MAP7D3: variants seen among roughly 807,000 people sequenced by gnomAD.
MAP7D3 encodes MAP7 domain-containing protein 3.
Under a neutral mutation model 62.2 loss-of-function variants are expected in MAP7D3, and 45 were observed. The ratio of observed to expected loss-of-function variants is 0.72; its 90% confidence interval spans 0.57 to 0.93. MAP7D3 has a LOEUF of 0.93. MAP7D3 is among the 40% of genes least tolerant of loss of function. The pLI is 0.00. For synonymous variants in MAP7D3, 288 were observed against 248.8 expected, an observed-to-expected ratio of 1.16 and a Z score of -1.48; for missense variants, 711 against 683.1, an observed-to-expected ratio of 1.04 and a Z score of -0.45.
rs1182701199 is a variant in MAP7D3, at chrX:136,231,945, A to G, written c.1012T>C (p.Phe338Leu). The change falls in exon 8 of 19, where the codon TTC becomes CTC. Residue 338 changes from phenylalanine (F) to leucine (L), a missense_variant. Phe to Leu is a conservative substitution (Grantham distance 22). Coordinates refer to ENST00000316077, the MANE Select transcript of MAP7D3 (RefSeq NM_024597.4). ...GMAPEVSTDS[F>L]PVVSVDVSPV... ...GACACGTCCACGCTCACCACAGGGA[A>G]TGAGTCCGTGCTCACCTCAGGGGCC... The G allele has an allele frequency of 7.4e-6, 9 of 1,209,132 alleles. No homozygotes were observed. In the South Asian group the frequency reaches 1.2e-4, roughly 17 times the overall value.
intron 12 of MAP7D3, among the ~76,000 whole-genome samples, chrX:136,227,020 T>C (rs1302413890): frequency 9.0e-6 from 1 of 111,238 alleles, no homozygotes; most frequent in African/African-American, 3.3e-5. Flanking sequence ...TCCCAGCTAC[T>C]TGGGAGGCTG....
intron 6 of MAP7D3, 123 bp downstream of exon 6, chrX:136,240,259 A>C: frequency 2.1e-6 from 1 of 470,695 alleles, no homozygotes; most frequent in Non-Finnish European, 3.7e-6. Context: ...GCTGTAAAAT[A>C]ACATGGGACT....
chrX:136,247,034 C>T (rs758918659), intron 1 of MAP7D3, among the ~76,000 whole-genome samples: 1 of 112,197 alleles, frequency 8.9e-6, no homozygotes, highest in African/African-American at 3.2e-5. Context: ...AATAAATATT[C>T]TTTTAGAAGA....
At chrX:136,233,634 C>CT (rs2074297363) in intron 7 of MAP7D3, among the ~76,000 whole-genome samples, 1 of 8,432 alleles carries the variant, frequency 1.2e-4, no homozygotes, top group East Asian at 5.6e-3. Flanking sequence ...GTAAATTAAA[C>CT]TAAAAAAAAA....
rs1342907667 is a variant in MAP7D3 at position 136,217,117 on chromosome X, G to A, written c.*1409C>T. On this transcript the variant is annotated 3_prime_UTR_variant, in exon 19 of 19. Transcript: ENST00000316077. ...CACTGGCCTGCTTCAGACTATTTAC[G>A]ATTCAACACTGAAAACTCATTAGGA... 9.0e-6 allele frequency: 1 copy of A among 111,561 alleles called. No individual in the cohort carries two copies. The highest frequency in any genetic ancestry group is 1.9e-5 in the Non-Finnish European group (1 of 52,692). The allele number at this position is 111,561 out of a possible 1,213,427, so 9.2% of individuals were successfully genotyped here.
At chrX:136,239,330 T>C (rs2074363485) in intron 6 of MAP7D3, among the ~76,000 whole-genome samples, 1 of 112,413 alleles carries the variant, frequency 8.9e-6, no homozygotes. Context: ...GTAGATAACT[T>C]CACTGTATTT....
intron 16 of MAP7D3, among the ~76,000 whole-genome samples, chrX:136,220,160 A>G (rs1164140230): frequency 8.9e-6 from 1 of 111,762 alleles, no homozygotes; most frequent in Non-Finnish European, 1.9e-5. Flanking sequence ...CCTTACATTG[A>G]CAATGAGCAT....
rs775326308 is a variant in MAP7D3, at chrX:136,243,034, A to G, written c.417+1598T>C. ...CCATGGATGGGGAAAAAGTGGCACA[A>G]GAAGTGTCCTAGAATCAGGAAGCTC... is the stretch of plus-strand genomic sequence containing the variant. On this transcript the variant is annotated intron_variant, in intron 4 of 18. Transcript: ENST00000316077. 4.5e-5 allele frequency among the ~76,000 whole-genome samples: 5 copies of G among 111,292 alleles called. No individual in the cohort carries two copies. In the East Asian group the frequency reaches 1.4e-3, roughly 32 times the overall value.
intron 3 of MAP7D3, 53 bp from the exon 4 acceptor site, chrX:136,244,848 G>A: frequency 1.0e-6 from 1 of 959,676 alleles, no homozygotes; most frequent in Non-Finnish European, 1.4e-6. Flanking sequence ...AAATATTTAG[G>A]TTTTCCACAT....
upstream of MAP7D3, chrX:136,256,018 A>G (rs2148429817): frequency 9.5e-6 from 7 of 740,179 alleles, no homozygotes; most frequent in Non-Finnish European, 1.1e-5. Context: ...TGCCACCACC[A>G]CAGTCCTGTA....
chrX:136,216,786 T>A (rs532780660), downstream of MAP7D3: 2 of 111,900 alleles, frequency 1.8e-5, no homozygotes, highest in African/African-American at 6.5e-5. Flanking sequence ...AGTACACTTT[T>A]TTTAGTATTA....
rs749079649 is a variant in MAP7D3 at position 136,225,919 on chromosome X, T to C, written c.2129A>G (p.Glu710Gly). Residue 710 changes from glutamate to glycine, a missense_variant, in exon 13 of 19, where the codon GAA becomes GGA. Coordinates refer to ENST00000316077, the MANE Select transcript of MAP7D3 (RefSeq NM_024597.4). The stretch of plus-strand genomic sequence containing the variant: ...ACAGAGAGCGAGTACCTTTTTCCTT[T>C]CTAACCGTTCTTGTAAATTTTGTAA... ...IMLQNLQERL[E>G]RKKRIEEIMK... 3 of 1,186,521 alleles carry C rather than the reference T, an allele frequency of 2.5e-6. No individual in the cohort carries two copies. The highest frequency in any genetic ancestry group is 3.4e-6 in the Non-Finnish European group (3 of 875,174).
chrX:136,231,941 G>A lies in MAP7D3; in HGVS notation c.1016C>T (p.Pro339Leu). ...MAPEVSTDSF[P>L]VVSVDVSPVV... ...AGGCGACACGTCCACGCTCACCACA[G>A]GGAATGAGTCCGTGCTCACCTCAGG... The change falls in exon 8 of 19, where the codon CCT (proline) becomes CTT (leucine). Residue 339 changes from proline to leucine, a missense_variant. Physicochemically the swap from Pro to Leu is moderately conservative, Grantham distance 98. Transcript: ENST00000316077. 1 of 1,211,585 alleles carries A rather than the reference G, an allele frequency of 8.3e-7. No homozygotes were observed. The highest frequency in any genetic ancestry group is 1.1e-6 in the Non-Finnish European group (1 of 895,420).
chrX:136,221,466 C>T (rs1386163195), intron 15 of MAP7D3, among the ~76,000 whole-genome samples: 1 of 111,881 alleles, frequency 8.9e-6, no homozygotes, highest in African/African-American at 3.3e-5. Flanking sequence ...GCTGGGACTA[C>T]AGGCGCCCGC....
chrX:136,231,198 T>A, intron 8 of MAP7D3: 1 of 336,364 alleles, frequency 3.0e-6, no homozygotes, highest in Non-Finnish European at 5.1e-6. Context: ...TTAAAAGAAA[T>A]ATTATCCTTC....
In MAP7D3 at chrX:136,228,611, C is replaced by T. The variant is rs1357483265; in HGVS notation, c.1886+12G>A. The T allele has an allele frequency of 1.7e-6, 2 of 1,199,600 alleles. No homozygotes were observed. The highest frequency in any genetic ancestry group is 2.2e-6 in the Non-Finnish European group (2 of 891,162). On this transcript the variant is annotated intron_variant, in intron 11 of 18. Coordinates refer to ENST00000316077, the MANE Select transcript of MAP7D3 (RefSeq NM_024597.4). ...AAGATTTATAGTATAGGAAGGAAGA[C>T]TTTGTGCTGACCTTTGCTGCATTTC...
At chrX:136,239,266 A>G (rs988988808) in intron 6 of MAP7D3, among the ~76,000 whole-genome samples, 1 of 112,397 alleles carries the variant, frequency 8.9e-6, no homozygotes, top group Non-Finnish European at 1.9e-5. Flanking sequence ...TTAATAAGGA[A>G]CACTAATTAA....
downstream of MAP7D3, among the ~76,000 whole-genome samples, chrX:136,216,540 C>T (rs1282982876): frequency 9.1e-6 from 1 of 109,345 alleles, no homozygotes; most frequent in African/African-American, 3.3e-5. Context: ...TTTGAGGCTG[C>T]AGTGAGCTAT....
Position 136,246,051 on chromosome X carries a change from G to C in MAP7D3, c.253+14C>G. The C allele has an allele frequency of 8.8e-7, 1 of 1,136,556 alleles. No homozygotes were observed. Among genetic ancestry groups the C allele is most frequent in the Non-Finnish European group, 1.2e-6 (1 of 840,608 alleles). The allele number at this position is 1,136,556 out of a possible 1,213,427, so 93.7% of individuals were successfully genotyped here. A position where few individuals can be genotyped will look rare whatever the true frequency, so the allele number is the denominator to read the frequency against. ...CAATTCATTTTGATTTTTGAAAAAA[G>C]GTCTAAAATATACCGTCTTGCTGTC... On this transcript the variant is annotated intron_variant, in intron 3 of 18. Transcript: ENST00000316077.
Sources: gnomAD v4.1 joint callset for allele counts (sites outside exome capture counted in the v4.1 genomes callset) on GRCh38, gnomAD v4.1.1 for gene constraint, MANE v1.5 for transcripts, NCBI Gene and HGNC (gene_info 2026-07-23, HGNC 2026-07-21) for gene names.